The following WIPI1 variants were observed in gnomAD, a reference collection of about 807,000 sequenced individuals.
WIPI1 encodes WD repeat domain, phosphoinositide interacting 1, also known as WD repeat domain phosphoinositide-interacting protein 1.
WIPI1 carries 45 observed loss-of-function variants against 55.3 expected under a neutral mutation model. The observed-to-expected ratio is 0.81, with a 90% CI of 0.64 to 1.04. The LOEUF is 1.04. Among genes scored for constraint, WIPI1 ranks in the 50% least tolerant of loss-of-function variants. WIPI1 has a pLI of 0.00. For missense variants in WIPI1, 445 were observed against 559.0 expected (o/e 0.80, Z 2.06); for synonymous variants, 195 against 217.6 (o/e 0.90, Z 0.92).
At chr17:68,430,916 T>C (rs2083479724) in intron 8 of WIPI1, among the ~76,000 whole-genome samples, 1 of 152,146 alleles carries the variant, frequency 6.6e-6, no homozygotes, top group East Asian at 1.9e-4. Context: ...GCCCTGCAGC[T>C]CAGAGCTCTG....
At position 68,450,854 on chromosome 17, in the gene WIPI1, G is replaced by A. The variant is rs1291591003; in HGVS notation, c.207C>T (p.Ser69=). 1 of 1,614,100 alleles carries A rather than the reference G, an allele frequency of 6.2e-7. No homozygotes were observed. Residue 69 remains serine (S), a synonymous_variant, in exon 3 of 13, where the codon AGC becomes AGT. Coordinates refer to ENST00000262139, the MANE Select transcript of WIPI1 (RefSeq NM_017983.7). The stretch of plus-strand genomic sequence containing the variant: ...TGTGACTGACTACCACCACCAGGCT[G>A]CTGGAGAAGAGGCGCTCCACGATGT... ...DVYIVERLFS[S]SLVVVVSHTK...
At chr17:68,424,354 C>T in intron 12 of WIPI1, 1 of 496,466 alleles carries the variant, frequency 2.0e-6, no homozygotes, top group Non-Finnish European at 4.2e-6. Flanking sequence ...CATGCAGGGC[C>T]CCACCGCAGC....
chr17:68,433,760 G>GTTGTTTTTTTT (rs2083630723), intron 7 of WIPI1, among the ~76,000 whole-genome samples, 185 bp from the exon 8 acceptor site: 1 of 72,814 alleles, frequency 1.4e-5, no homozygotes, highest in Admixed American at 1.8e-4. Flanking sequence ...AAGGGTCATA[G>GTTGTTTTTTTT]TTTTTTTTTT....
At chr17:68,447,126 C>T (rs2084315573) in intron 3 of WIPI1, among the ~76,000 whole-genome samples, 1 of 152,146 alleles carries the variant, frequency 6.6e-6, no homozygotes. Context: ...TTATCAATTA[C>T]AAAATATTTA....
chr17:68,423,950 G>A lies in WIPI1; in HGVS notation c.1293+2125C>T, dbSNP rs1487264385. ...AAATTAGTGAAACGGAACCTAGTGAGTGTCTGGATGTGGTAAACCCTGACA... is the reference window on the plus strand; with the variant it reads ...AAATTAGTGAAACGGAACCTAGTGAATGTCTGGATGTGGTAAACCCTGACA... On this transcript the variant is annotated intron_variant, in intron 12 of 12. Transcript: ENST00000262139. This position sits in a 1 kb window ranked among gnomAD's most constrained non-coding sequence, Gnocchi z 4.4. Among the ~76,000 whole-genome samples, 2 of 152,222 alleles carry A rather than the reference G, an allele frequency of 1.3e-5. No homozygotes were observed. Among genetic ancestry groups the A allele is most frequent in the African/African-American group, 4.8e-5 (2 of 41,458 alleles).
rs148014557 is a variant in WIPI1 at position 68,423,893 on chromosome 17, T to C, written c.1294-2073A>G. On this transcript the variant is annotated intron_variant, in intron 12 of 12. Coordinates refer to ENST00000262139, the MANE Select transcript of WIPI1 (RefSeq NM_017983.7). The surrounding 1 kb of genome is among the most constrained non-coding windows in gnomAD (Gnocchi z 4.4). ...ACTGCGATTACAATTAAGAATCTAA[T>C]AATATTTTATAGTAGTTACAGACTT... Among the ~76,000 whole-genome samples, 48 of 152,326 alleles carry C rather than the reference T, an allele frequency of 3.2e-4. No homozygotes were observed. Among genetic ancestry groups the C allele is most frequent in the African/African-American group, 1.1e-3 (47 of 41,570 alleles).
Position 68,421,364 on chromosome 17 carries a change from C to A in WIPI1, c.*409G>T. The A allele has an allele frequency of 6.0e-6, 1 of 167,014 alleles. No homozygotes were observed. The allele number at this position is 167,014 out of a possible 1,614,324, so 10.3% of individuals were successfully genotyped here. A position where few individuals can be genotyped will look rare whatever the true frequency, so the allele number is the denominator to read the frequency against. On this transcript the variant is annotated 3_prime_UTR_variant, in exon 13 of 13. Coordinates refer to ENST00000262139, the MANE Select transcript of WIPI1 (RefSeq NM_017983.7). The stretch of plus-strand genomic sequence containing the variant: ...TTATTCCAGCCACAGCCAAAAAAGA[C>A]TTTGCCTGGCTAAAAGAGTCTCTCT...
In WIPI1 at chr17:68,435,598, G is replaced by A. The variant is rs1172754547; in HGVS notation, c.621+22C>T. 2.5e-6 allele frequency: 4 copies of A among 1,611,538 alleles called. No homozygotes were observed. The African/African-American group carries it at 4.0e-5, about 16-fold the overall frequency. On this transcript the variant is annotated intron_variant, in intron 6 of 12. Coordinates refer to ENST00000262139, the MANE Select transcript of WIPI1 (RefSeq NM_017983.7). ...GCCATCCAGCGAAACCCAGACAGAG[G>A]TGTTGGTGGGAGTGGACTCACTTTT...
chr17:68,437,947 T>TAAAAAAACAAAAAAAAAA (rs1568638070), intron 4 of WIPI1, among the ~76,000 whole-genome samples: 1 of 58,786 alleles, frequency 1.7e-5, no homozygotes, highest in Non-Finnish European at 3.1e-5. Flanking sequence ...GACATCTCTC[T>TAAAAAAACAAAAAAAAAA]TAAAAAAAAA....
intron 1 of WIPI1, 105 bp downstream of exon 1, chr17:68,457,237 C>T: frequency 7.2e-7 from 1 of 1,380,918 alleles, no homozygotes; most frequent in Non-Finnish European, 9.9e-7. Flanking sequence ...GCCCTCCCGC[C>T]GAGGCCGCCT....
At chr17:68,450,617 T>G in intron 3 of WIPI1, 111 bp downstream of exon 3, 1 of 1,385,156 alleles carries the variant, frequency 7.2e-7, no homozygotes, top group Non-Finnish European at 9.8e-7. Flanking sequence ...GTTAACATTC[T>G]CATTAGAATT....
At chr17:68,445,960 C>T (rs1291488443) in intron 3 of WIPI1, among the ~76,000 whole-genome samples, 4 of 152,124 alleles carry the variant, frequency 2.6e-5, no homozygotes, top group Admixed American at 2.6e-4. Flanking sequence ...CAGGTGATTG[C>T]GATGCACACT....
In WIPI1 at chr17:68,421,828, A is replaced by ACATT; in HGVS notation, c.1294-9_1294-8insAATG. On this transcript the variant is annotated splice_polypyrimidine_tract_variant and intron_variant, in intron 12 of 12. Coordinates refer to ENST00000262139, the MANE Select transcript of WIPI1 (RefSeq NM_017983.7). Reference sequence around the variant, plus strand: ...TCCACGGCACAAGATTATCTACCAAAATCAAAACAGAATGGCCTTACTCTT... The same window carrying ACATT: ...TCCACGGCACAAGATTATCTACCAAACATTATCAAAACAGAATGGCCTTACTCTT... 6.2e-7 allele frequency: 1 copy of ACATT among 1,614,134 alleles called. No homozygotes were observed. The highest frequency in any genetic ancestry group is 8.5e-7 in the Non-Finnish European group (1 of 1,180,018).
intron 11 of WIPI1, 71 bp from the exon 12 acceptor site, chr17:68,426,246 G>A: frequency 1.1e-6 from 1 of 894,422 alleles, no homozygotes; most frequent in African/African-American, 1.7e-5. Context: ...GGCGGGTGGG[G>A]AGCGGGGGCT....
Position 68,457,456 on chromosome 17 carries a change from C to T in WIPI1, c.-35G>A, listed in dbSNP as rs910000907. ...GGCCCGGGAAGCCGCAGCTCGGAGCCGGCGACAGCCACCTCAGCAGCCCGC... is the reference window on the plus strand; with the variant it reads ...GGCCCGGGAAGCCGCAGCTCGGAGCTGGCGACAGCCACCTCAGCAGCCCGC... On this transcript the variant is annotated 5_prime_UTR_variant, in exon 1 of 13. Transcript: ENST00000262139. The T allele has an allele frequency of 6.8e-7, 1 of 1,462,614 alleles. No homozygotes were observed. The highest frequency in any genetic ancestry group is 9.0e-7 in the Non-Finnish European group (1 of 1,106,520). 90.6% of individuals were successfully genotyped at this position (1,462,614 alleles called of 1,614,324 possible).
chr17:68,427,977 C>G (rs1206870033), intron 10 of WIPI1, among the ~76,000 whole-genome samples: 4 of 151,862 alleles, frequency 2.6e-5, no homozygotes, highest in African/African-American at 4.8e-5. Context: ...GCAGTCTTGA[C>G]CTTCCTGGGC....
chr17:68,421,907 G>A (rs914066289), intron 12 of WIPI1, 87 bp from the exon 13 acceptor site: 1 of 1,554,702 alleles, frequency 6.4e-7, no homozygotes, highest in Non-Finnish European at 8.9e-7. Flanking sequence ...TGCCCATGCA[G>A]AGTGAGCAGG....
chr17:68,450,886 C>A lies in WIPI1; in HGVS notation c.175G>T (p.Asp59Tyr), dbSNP rs760538395. ...AAGAGGCGCTCCACGATGTAGACGT[C>A]CGGGATTTCATCTGGGAGGAAAAGC... ...DQVHGSNEIPDVYIVERLFSS... is the reference protein window; with the variant it reads ...DQVHGSNEIPYVYIVERLFSS... The change falls in exon 3 of 13, where the codon GAC (aspartate) becomes TAC (tyrosine). Residue 59 changes from aspartate (D) to tyrosine (Y), a missense_variant. Coordinates refer to ENST00000262139, the MANE Select transcript of WIPI1 (RefSeq NM_017983.7). 3 of 1,611,996 alleles carry A rather than the reference C, an allele frequency of 1.9e-6. No homozygotes were observed. The East Asian group carries it at 6.7e-5, about 36-fold the overall frequency.
In WIPI1 at chr17:68,438,506, A is replaced by T. The variant is rs1418706772; in HGVS notation, c.431-2027T>A. ...GAGGCGGCTGGCAGAAAAGATGTGA[A>T]GACTGTGGAAATCTTACAAGGACTA... On this transcript the variant is annotated intron_variant, in intron 4 of 12. Transcript: ENST00000262139. 2.0e-5 allele frequency among the ~76,000 whole-genome samples: 3 copies of T among 152,238 alleles called. No homozygotes were observed. The East Asian group carries it at 5.8e-4, about 29-fold the overall frequency.
Sources: allele counts gnomAD v4.1 joint callset (sites outside exome capture counted in the v4.1 genomes callset), GRCh38; gene constraint gnomAD v4.1.1; non-coding constraint Gnocchi (gnomAD v3.1); transcripts MANE v1.5; gene names NCBI Gene and HGNC (gene_info 2026-07-23, HGNC 2026-07-21).